The following ACAP2 variants were observed in gnomAD, a reference collection of about 807,000 sequenced individuals.
The protein encoded by ACAP2 is ArfGAP with coiled-coil, ankyrin repeat and PH domains 2.
ACAP2 carries 39 observed loss-of-function variants against 115.8 expected under a neutral mutation model. The observed-to-expected ratio is 0.34, with a 90% CI of 0.26 to 0.44. The LOEUF (loss-of-function observed/expected upper bound fraction) is 0.44, where lower values mean the gene tolerates loss of function less well. ACAP2 is among the 20% of genes least tolerant of loss of function. ACAP2 has a pLI of 1.00. For synonymous variants in ACAP2, 289 were observed against 315.8 expected, an observed-to-expected ratio of 0.92 and a Z score of 0.90; for missense variants, 662 against 927.6, an observed-to-expected ratio of 0.71 and a Z score of 3.72.
At chr3:195,319,421 G>A (rs79829900) in intron 10 of ACAP2, among the ~76,000 whole-genome samples, 3,294 of 152,264 alleles carry the variant, frequency 0.022, 117 homozygotes, top group East Asian at 0.1. Flanking sequence ...TGGAAACACC[G>A]CAGGCACTCA....
At chr3:195,325,451 G>A (rs780248989) in intron 9 of ACAP2, 10 of 384,076 alleles carry the variant, frequency 2.6e-5, no homozygotes, top group Admixed American at 3.3e-5. Context: ...TACCTGTAAC[G>A]CAGCCTTGTG....
At chr3:195,321,245 C>G in intron 9 of ACAP2, among the ~76,000 whole-genome samples, 1 of 112,510 alleles carries the variant, frequency 8.9e-6, no homozygotes, top group East Asian at 2.9e-4. Flanking sequence ...TTTTTTGAGA[C>G]AGAGTCTCGC....
chr3:195,394,913 A>G (rs1269119305), intron 1 of ACAP2, among the ~76,000 whole-genome samples: 1 of 140,076 alleles, frequency 7.1e-6, no homozygotes, highest in East Asian at 2.4e-4. Flanking sequence ...GCAAGACTCC[A>G]TCTCTTTTTT....
chr3:195,362,521 A>C (rs1394173968), intron 4 of ACAP2, among the ~76,000 whole-genome samples: 1 of 152,122 alleles, frequency 6.6e-6, no homozygotes, highest in South Asian at 2.1e-4. Context: ...GAGATGCATA[A>C]AAAATAACCA....
intron 1 of ACAP2, among the ~76,000 whole-genome samples, chr3:195,437,245 G>C (rs954754282): frequency 6.6e-6 from 1 of 150,834 alleles, no homozygotes; most frequent in Non-Finnish European, 1.5e-5. Flanking sequence ...GTCTCACTCT[G>C]TTGCCTAGGT....
intron 1 of ACAP2, among the ~76,000 whole-genome samples, chr3:195,424,629 A>C (rs969102649): frequency 2.0e-5 from 3 of 151,856 alleles, no homozygotes; most frequent in African/African-American, 4.8e-5. Context: ...CAACTAAAAA[A>C]ATTTTAAGAC....
At chr3:195,365,571 A>G (rs1410076662) in intron 4 of ACAP2, among the ~76,000 whole-genome samples, 1 of 152,068 alleles carries the variant, frequency 6.6e-6, no homozygotes, top group Non-Finnish European at 1.5e-5. Context: ...TGTCTCTAAA[A>G]AAAAAAAAAC....
intron 17 of ACAP2, chr3:195,295,287 A>G (rs1302211615): frequency 2.3e-6 from 3 of 1,292,400 alleles, no homozygotes. Context: ...CCTCGTCGCT[A>G]TTTACAGCAA....
intron 22 of ACAP2, among the ~76,000 whole-genome samples, chr3:195,283,739 T>TA (rs1225502375): frequency 2.6e-5 from 4 of 152,194 alleles, no homozygotes; most frequent in South Asian, 4.1e-4. Context: ...CTGAATGAGT[T>TA]AAAAATCTAA....
intron 9 of ACAP2, among the ~76,000 whole-genome samples, chr3:195,324,771 A>C (rs751819666): frequency 3.8e-4 from 58 of 152,082 alleles, no homozygotes; most frequent in Non-Finnish European, 7.1e-4. Context: ...TAAAAAATAA[A>C]GATCTAAAAA....
intron 4 of ACAP2, chr3:195,350,062 T>C (rs1317957163): frequency 6.0e-6 from 1 of 167,122 alleles, no homozygotes; most frequent in Admixed American, 6.5e-5. Flanking sequence ...GAGCAAATCA[T>C]ACACACACAA....
At chr3:195,282,756 A>G (rs543977970) in intron 22 of ACAP2, 1 of 152,210 alleles carries the variant, frequency 6.6e-6, no homozygotes, top group Non-Finnish European at 1.5e-5. Context: ...AAACTTAACC[A>G]CATTCTATTT....
At chr3:195,303,079 G>A (rs930893401) in intron 13 of ACAP2, among the ~76,000 whole-genome samples, 1 of 152,204 alleles carries the variant, frequency 6.6e-6, no homozygotes, top group African/African-American at 2.4e-5. Context: ...AGCTGGGCGT[G>A]GTGGCGCACA....
Position 195,300,027 on chromosome 3 carries a change from CT to C in ACAP2, c.1395+1547del, listed in dbSNP as rs1405598999. On this transcript the variant is annotated intron_variant, in intron 15 of 22. Transcript: ENST00000326793. ...GAATTAGTATCTACTTTCCGTCTTT[CT>C]TTTTTCTTTTTTTTTCTTTTTTTTT... Among the ~76,000 whole-genome samples the C allele has an allele frequency of 4.9e-3, 590 of 121,364 alleles. 3 individuals carry two copies. Among genetic ancestry groups the C allele is most frequent in the African/African-American group, 0.018 (576 of 32,604 alleles). The allele number at this position is 121,364 out of a possible 152,430, so 79.6% of individuals were successfully genotyped here.
intron 3 of ACAP2, 139 bp from the exon 4 acceptor site, chr3:195,381,201 A>G: frequency 1.5e-6 from 1 of 649,450 alleles, no homozygotes; most frequent in South Asian, 2.0e-5. Flanking sequence ...ACAATCTCAC[A>G]CTACCTTATG....
intron 1 of ACAP2, among the ~76,000 whole-genome samples, chr3:195,432,403 T>A (rs556054671): frequency 9.8e-5 from 15 of 152,352 alleles, no homozygotes; most frequent in Admixed American, 3.9e-4. Context: ...TACTTTCACG[T>A]GTGGATATTC....
At chr3:195,294,063 C>T (rs1415868227) in intron 18 of ACAP2, among the ~76,000 whole-genome samples, 8 of 150,834 alleles carry the variant, frequency 5.3e-5, no homozygotes, top group African/African-American at 1.7e-4. Flanking sequence ...GGCATGAACC[C>T]GGGAGGTGGG....
chr3:195,397,138 T>G (rs748250008), intron 1 of ACAP2, among the ~76,000 whole-genome samples: 2 of 152,210 alleles, frequency 1.3e-5, no homozygotes, highest in Non-Finnish European at 2.9e-5. Flanking sequence ...ATTCTTTTGT[T>G]TTATATAATA....
chr3:195,315,038 GA>G (rs559102290), intron 10 of ACAP2, among the ~76,000 whole-genome samples: 64 of 152,298 alleles, frequency 4.2e-4, no homozygotes, highest in African/African-American at 1.5e-3. Context: ...GGCTGATTGA[GA>G]CAGGGTCTCC....
Sources: allele counts gnomAD v4.1 joint callset (sites outside exome capture counted in the v4.1 genomes callset), GRCh38; gene constraint gnomAD v4.1.1; transcripts MANE v1.5; gene names NCBI Gene and HGNC (gene_info 2026-07-23, HGNC 2026-07-21).